Variants in ANXA8 observed in about 807,000 individuals in gnomAD.
ANXA8 encodes the protein VAC-beta.
In ANXA8, 9 loss-of-function variants were observed where a neutral mutation model predicts 26.8. The observed-to-expected ratio is 0.34, with a 90% CI of 0.20 to 0.59. ANXA8 has a LOEUF of 0.59. ANXA8 is among the 20% of genes least tolerant of loss of function. ANXA8 has a pLI of 0.84. For synonymous variants in ANXA8, 39 were observed against 94.8 expected, an observed-to-expected ratio of 0.41 and a Z score of 3.42; for missense variants, 83 against 238.5, an observed-to-expected ratio of 0.35 and a Z score of 4.29.
the ANXA8 span, among the ~76,000 whole-genome samples, chr10:47,644,458 T>G: frequency 3.3e-5 from 5 of 152,068 alleles, no homozygotes; most frequent in African/African-American, 4.8e-5. Flanking sequence ...AATGAATGAG[T>G]GTGTCCATGC....
chr10:47,546,209 C>CA, the ANXA8 span, among the ~76,000 whole-genome samples: 2 of 136,292 alleles, frequency 1.5e-5, 1 homozygote, highest in East Asian at 5.9e-4. Context: ...TCAATCTCCT[C>CA]ACAGAAAAAA....
At chr10:47,676,466 G>C in the ANXA8 span, among the ~76,000 whole-genome samples, 1 of 151,838 alleles carries the variant, frequency 6.6e-6, no homozygotes, top group African/African-American at 2.4e-5. Flanking sequence ...AGCAACAGGA[G>C]AATAAAAGAC....
the ANXA8 span, among the ~76,000 whole-genome samples, chr10:47,975,577 A>G: frequency 6.6e-6 from 1 of 150,590 alleles, no homozygotes; most frequent in Non-Finnish European, 1.5e-5. Context: ...CGCTTCTGAC[A>G]GAGCATTTAG....
chr10:47,693,182 GA>G, the ANXA8 span, among the ~76,000 whole-genome samples: 4 of 151,510 alleles, frequency 2.6e-5, no homozygotes, highest in Non-Finnish European at 4.4e-5. Context: ...GCGGTATTTA[GA>G]AAAAGAAAAC....
chr10:47,525,449 T>C, the ANXA8 span, among the ~76,000 whole-genome samples: 1 of 140,728 alleles, frequency 7.1e-6, no homozygotes, highest in Non-Finnish European at 1.5e-5. Flanking sequence ...TCATGAGGAC[T>C]TACTGAATAT....
chr10:47,656,608 G>T, the ANXA8 span, among the ~76,000 whole-genome samples: 2 of 137,006 alleles, frequency 1.5e-5, no homozygotes, highest in Admixed American at 7.7e-5. Flanking sequence ...ATTAATAAAG[G>T]CTCTGGGAAA....
At chr10:47,570,684 G>A in the ANXA8 span, among the ~76,000 whole-genome samples, 4 of 150,786 alleles carry the variant, frequency 2.7e-5, no homozygotes, top group South Asian at 6.3e-4. Context: ...AAGATGGGAG[G>A]ATCCCTTAAG....
At chr10:47,603,333 A>G in the ANXA8 span, among the ~76,000 whole-genome samples, 29 of 149,792 alleles carry the variant, frequency 1.9e-4, 3 homozygotes, top group African/African-American at 7.4e-4. Context: ...AATGTTTATC[A>G]GAGAATTCCA....
chr10:47,673,272 C>T, the ANXA8 span, among the ~76,000 whole-genome samples: 1 of 151,560 alleles, frequency 6.6e-6, no homozygotes, highest in Non-Finnish European at 1.5e-5. Flanking sequence ...TTTGGAACCT[C>T]TCCCAAGTAT....
At chr10:47,564,516 G>A in the ANXA8 span, 3 of 742,012 alleles carry the variant, frequency 4.0e-6, no homozygotes, top group South Asian at 3.2e-5. Flanking sequence ...GGACGTGGTG[G>A]TCTATGACCA....
At chr10:47,470,428 T>C (rs2132391166) in intron 11 of ANXA8, among the ~76,000 whole-genome samples, 1 of 134,364 alleles carries the variant, frequency 7.4e-6, no homozygotes, top group Non-Finnish European at 1.6e-5. Context: ...CAGTCCAGGC[T>C]GGTGTGTGCC....
At chr10:47,558,528 G>GGT in the ANXA8 span, among the ~76,000 whole-genome samples, 3 of 115,630 alleles carry the variant, frequency 2.6e-5, no homozygotes, top group African/African-American at 7.0e-5. Flanking sequence ...AGGGTTTTAA[G>GGT]ATGTGTGTGT....
chr10:47,636,343 T>C, the ANXA8 span, among the ~76,000 whole-genome samples: 1 of 141,866 alleles, frequency 7.0e-6, no homozygotes, highest in Non-Finnish European at 1.5e-5. Context: ...AAGGGAAATG[T>C]GTAGATTTTA....
the ANXA8 span, among the ~76,000 whole-genome samples, chr10:47,684,428 G>GA: frequency 9.9e-5 from 15 of 151,152 alleles, no homozygotes; most frequent in African/African-American, 3.4e-4. Flanking sequence ...TTTTTTGGGG[G>GA]GGGGGTGAGG....
chr10:47,898,811 AT>A, the ANXA8 span, among the ~76,000 whole-genome samples: 25 of 56,236 alleles, frequency 4.4e-4, no homozygotes, highest in Non-Finnish European at 5.9e-4. Context: ...AAGAGAATGG[AT>A]TTTTTTTTTT....
the ANXA8 span, among the ~76,000 whole-genome samples, chr10:47,744,423 T>TGGGGGGGGAGGGGGGAAGGGGGGGGGA: frequency 3.1e-4 from 2 of 6,440 alleles, no homozygotes; most frequent in Non-Finnish European, 5.3e-4. Context: ...GGGGGGGGGT[T>TGGGGGGGGAGGGGGGAAGGGGGGGGGA]GGGGGGGAGG....
At chr10:47,946,697 T>C in the ANXA8 span, among the ~76,000 whole-genome samples, 2 of 150,984 alleles carry the variant, frequency 1.3e-5, no homozygotes, top group Non-Finnish European at 3.0e-5. Flanking sequence ...TTGCTAACTT[T>C]TTTTTTATTT....
chr10:47,476,553 A>G (rs1839547374), intron 4 of ANXA8, among the ~76,000 whole-genome samples: 1 of 114,200 alleles, frequency 8.8e-6, no homozygotes, highest in Non-Finnish European at 1.8e-5. Flanking sequence ...GTGGTCTCAG[A>G]CAGGCTGCTC....
the ANXA8 span, among the ~76,000 whole-genome samples, chr10:47,671,925 C>T: frequency 1.3e-5 from 2 of 151,012 alleles, no homozygotes; most frequent in Non-Finnish European, 2.9e-5. Context: ...TTTAAAAGAC[C>T]AGTTAGTTTG....
Sources: gnomAD v4.1 joint callset for allele counts (sites outside exome capture counted in the v4.1 genomes callset) on GRCh38, gnomAD v4.1.1 for gene constraint, MANE v1.5 for transcripts, NCBI Gene and HGNC (gene_info 2026-07-23, HGNC 2026-07-21) for gene names.